The following RBMS3 variants were observed in gnomAD, a reference collection of about 807,000 sequenced individuals.
The protein encoded by RBMS3 is RNA-binding motif, single-stranded-interacting protein 3.
RBMS3 carries 27 observed loss-of-function variants against 66.8 expected under a neutral mutation model. The observed-to-expected ratio is 0.40, with a 90% CI of 0.30 to 0.56. RBMS3 has a LOEUF of 0.56. RBMS3 is among the 20% of genes least tolerant of loss of function. The pLI is 0.40. For synonymous variants in RBMS3, 188 were observed against 183.0 expected, an observed-to-expected ratio of 1.03 and a Z score of -0.22; for missense variants, 513 against 549.5, an observed-to-expected ratio of 0.93 and a Z score of 0.66.
At chr3:29,728,948 T>C (rs976946921) in intron 4 of RBMS3, among the ~76,000 whole-genome samples, 1 of 152,074 alleles carries the variant, frequency 6.6e-6, no homozygotes, top group East Asian at 1.9e-4. Flanking sequence ...ACATTTTGTA[T>C]CAAAGTTGTG....
intron 12 of RBMS3, among the ~76,000 whole-genome samples, chr3:29,960,262 G>A (rs1696336090): frequency 6.6e-6 from 1 of 152,302 alleles, no homozygotes; most frequent in South Asian, 2.1e-4. Context: ...CAGTGGGGCA[G>A]TCAAATCTCA....
intron 6 of RBMS3, among the ~76,000 whole-genome samples, chr3:29,769,515 T>C (rs1289852398): frequency 6.6e-6 from 1 of 151,930 alleles, no homozygotes; most frequent in Non-Finnish European, 1.5e-5. Context: ...CTTTCACTAT[T>C]ACCTTAAATT....
At chr3:29,580,482 G>T (rs940993393) in intron 3 of RBMS3, among the ~76,000 whole-genome samples, 1 of 151,886 alleles carries the variant, frequency 6.6e-6, no homozygotes, top group African/African-American at 2.4e-5. Flanking sequence ...ATACTATACG[G>T]TATAAAATTA....
chr3:29,557,781 C>T (rs1284660855), intron 3 of RBMS3, among the ~76,000 whole-genome samples: 1 of 151,908 alleles, frequency 6.6e-6, no homozygotes. Context: ...AAATGGTAAA[C>T]AAACAAACAA....
At chr3:29,380,345 C>T (rs1181233869) in intron 1 of RBMS3, among the ~76,000 whole-genome samples, 1 of 151,940 alleles carries the variant, frequency 6.6e-6, no homozygotes, top group African/African-American at 2.4e-5. Context: ...ATTGGCATGG[C>T]AAGGAATGCC....
At chr3:29,625,472 T>A (rs1235908910) in intron 4 of RBMS3, among the ~76,000 whole-genome samples, 1 of 152,002 alleles carries the variant, frequency 6.6e-6, no homozygotes, top group East Asian at 1.9e-4. Flanking sequence ...GGCAGGTGGA[T>A]CACCTGAGGT....
Position 29,691,949 on chromosome 3 carries a change from A to ATTTTTTTTTTTTTTTTTTTTTTTTTTT in RBMS3, c.400-47753_400-47752insTTTTTTTTTTTTTTTTTTTTTTTTTTT, listed in dbSNP as rs1294126975. Among the ~76,000 whole-genome samples, 10 of 64,994 alleles carry ATTTTTTTTTTTTTTTTTTTTTTTTTTT rather than the reference A, an allele frequency of 1.5e-4. 2 individuals carry two copies. The highest frequency in any genetic ancestry group is 4.4e-4 in the East Asian group (1 of 2,258). 42.6% of individuals were successfully genotyped at this position (64,994 alleles called of 152,430 possible). A position where few individuals can be genotyped will look rare whatever the true frequency, so the allele number is the denominator to read the frequency against. On this transcript the variant is annotated intron_variant, in intron 4 of 14. Transcript: ENST00000383767. ...GTGACCCTTCTCTCTCTCTCTCTCTATTTTTTTTTTTTTTTTTTGAGATGG... is the reference window on the plus strand; with the variant it reads ...GTGACCCTTCTCTCTCTCTCTCTCTATTTTTTTTTTTTTTTTTTTTTTTTTTTTTTTTTTTTTTTTTTTTTGAGATGG...
At chr3:29,382,443 TTG>T (rs1487938559) in intron 1 of RBMS3, among the ~76,000 whole-genome samples, 1 of 152,230 alleles carries the variant, frequency 6.6e-6, no homozygotes, top group Non-Finnish European at 1.5e-5. Flanking sequence ...TCCTGCCTCT[TTG>T]GTGTTGCAAG....
chr3:29,775,617 G>T (rs1312365758), intron 6 of RBMS3, among the ~76,000 whole-genome samples: 1 of 151,996 alleles, frequency 6.6e-6, no homozygotes, highest in African/African-American at 2.4e-5. Flanking sequence ...ACTATTCTGT[G>T]TTGCTTCTTT....
intron 1 of RBMS3, among the ~76,000 whole-genome samples, chr3:29,379,223 C>T (rs1050913464): frequency 6.6e-6 from 1 of 152,152 alleles, no homozygotes; most frequent in Non-Finnish European, 1.5e-5. Flanking sequence ...TTCTTAAAAG[C>T]AGTGACTCAA....
In RBMS3 at chr3:29,884,202, A is replaced by C; in HGVS notation, c.785A>C (p.Gln262Pro). 1 of 1,610,096 alleles carries C rather than the reference A, an allele frequency of 6.2e-7. No homozygotes were observed. Among genetic ancestry groups the C allele is most frequent in the Non-Finnish European group, 8.5e-7 (1 of 1,176,896 alleles). Reference protein sequence around the residue: ...ALTYDPTAAIQNGFYSSPYSI... With the variant: ...ALTYDPTAAIPNGFYSSPYSI... ...ACCTATGACCCCACAGCTGCCATACAGAATGGGTAAGTAGATCACATTTTC... is the reference window on the plus strand; with the variant it reads ...ACCTATGACCCCACAGCTGCCATACCGAATGGGTAAGTAGATCACATTTTC... Residue 262 changes from glutamine to proline, a missense_variant, in exon 8 of 15, where the codon CAG becomes CCG. Gln to Pro is a moderately conservative substitution (Grantham distance 76). Transcript: ENST00000383767.
rs113694750 is a variant in RBMS3, at chr3:29,388,701, G to A, written c.76-46042G>A. ...CCGCCTCAGCCTCCCGAGTAGCTGG[G>A]ACTACAGGCAACCGCCACTATGCCC... On this transcript the variant is annotated intron_variant, in intron 1 of 14. Transcript: ENST00000383767. Among the ~76,000 whole-genome samples the A allele has an allele frequency of 2.3e-3, 354 of 152,238 alleles. 2 individuals carry two copies. Among genetic ancestry groups the A allele is most frequent in the South Asian group, 0.013 (65 of 4,826 alleles).
chr3:29,292,234 T>C (rs573783752), intron 1 of RBMS3, among the ~76,000 whole-genome samples: 107 of 151,808 alleles, frequency 7.0e-4, no homozygotes, highest in African/African-American at 2.4e-3. Context: ...CATACATTCC[T>C]GAAAACCTTA....
chr3:29,929,866 G>A (rs1196718348), intron 10 of RBMS3, among the ~76,000 whole-genome samples: 1 of 151,946 alleles, frequency 6.6e-6, no homozygotes, highest in Non-Finnish European at 1.5e-5. Context: ...CCAAGCATAG[G>A]AAAGAGAAAC....
In RBMS3 at chr3:29,444,788, C is replaced by CTTTTTTTTTTTTTT. The variant is rs558839351; in HGVS notation, c.248+9884_248+9897dup. Among the ~76,000 whole-genome samples, 18 of 50,500 alleles carry CTTTTTTTTTTTTTT rather than the reference C, an allele frequency of 3.6e-4. 1 individual carries two copies. Among genetic ancestry groups the CTTTTTTTTTTTTTT allele is most frequent in the Admixed American group, 6.5e-4 (2 of 3,090 alleles). 33.1% of individuals were successfully genotyped at this position (50,500 alleles called of 152,430 possible). A position where few individuals can be genotyped will look rare whatever the true frequency, so the allele number is the denominator to read the frequency against. On this transcript the variant is annotated intron_variant, in intron 2 of 14. Coordinates refer to ENST00000383767, the MANE Select transcript of RBMS3 (RefSeq NM_001003793.3). ...AATTCTTTCAAGCGGAAATATATGC[C>CTTTTTTTTTTTTTT]TTTTTTTTTTTTTTTTTTTTTTTTG...
At chr3:29,693,301 A>G (rs1430644317) in intron 4 of RBMS3, among the ~76,000 whole-genome samples, 3 of 152,154 alleles carry the variant, frequency 2.0e-5, no homozygotes, top group Admixed American at 6.5e-5. Flanking sequence ...CAAATTCATG[A>G]CTATAATTTT....
At chr3:29,457,599 G>T (rs1321657157) in intron 2 of RBMS3, among the ~76,000 whole-genome samples, 2 of 152,116 alleles carry the variant, frequency 1.3e-5, no homozygotes, top group African/African-American at 4.8e-5. Flanking sequence ...GTGCATGCTT[G>T]TAGTCCCTGC....
rs373369576 is a variant in RBMS3 at position 29,791,975 on chromosome 3, A to G, written c.637+28986A>G. 7.9e-5 allele frequency among the ~76,000 whole-genome samples: 12 copies of G among 152,332 alleles called. No homozygotes were observed. The East Asian group carries it at 9.6e-4, about 12-fold the overall frequency. On this transcript the variant is annotated intron_variant, in intron 6 of 14. Coordinates refer to ENST00000383767, the MANE Select transcript of RBMS3 (RefSeq NM_001003793.3). The stretch of plus-strand genomic sequence containing the variant: ...TTAATGAAATATAATGAAAAATCTT[A>G]ATCTCCAAATTTGTTTTTTAAATTA...
intron 4 of RBMS3, among the ~76,000 whole-genome samples, chr3:29,701,833 CTG>C (rs1395324132): frequency 1.4e-5 from 2 of 146,200 alleles, no homozygotes; most frequent in African/African-American, 5.5e-5. Context: ...GACCTGAAGC[CTG>C]CGCGCAGCCG....
Sources: allele counts gnomAD v4.1 joint callset (sites outside exome capture counted in the v4.1 genomes callset), GRCh38; gene constraint gnomAD v4.1.1; transcripts MANE v1.5; gene names NCBI Gene and HGNC (gene_info 2026-07-23, HGNC 2026-07-21).